UMAD1: variants seen among roughly 807,000 people sequenced by gnomAD.
The protein encoded by UMAD1 is UBAP1-MVB12-associated (UMA) domain containing 1.
Under a neutral mutation model 6.1 loss-of-function variants are expected in UMAD1, and 8 were observed. The ratio of observed to expected loss-of-function variants is 1.30; its 90% CI spans 0.76 to 2.35. The LOEUF is 2.35. UMAD1 is among the 30% of genes most tolerant of loss of function. UMAD1 has a pLI of 0.00. For synonymous variants in UMAD1, 56 were observed against 31.4 expected, an observed-to-expected ratio of 1.78 and a Z score of -2.61; for missense variants, 130 against 78.4, an observed-to-expected ratio of 1.66 and a Z score of -2.49.
chr7:7,804,959 C>A (rs940498453), intron 3 of UMAD1, among the ~76,000 whole-genome samples: 47 of 150,870 alleles, frequency 3.1e-4, no homozygotes, highest in African/African-American at 1.1e-3. Flanking sequence ...CCAGCCTGGG[C>A]GACAGAGCGG....
chr7:7,862,037 T>A (rs920672919), intron 3 of UMAD1, among the ~76,000 whole-genome samples: 6 of 152,170 alleles, frequency 3.9e-5, no homozygotes, highest in Non-Finnish European at 1.5e-5. Context: ...TATATCATAC[T>A]TAGGTTATGA....
chr7:7,778,275 T>TGAGAGAGAGAGAGAGA (rs1554327252), intron 2 of UMAD1, among the ~76,000 whole-genome samples: 4 of 110,654 alleles, frequency 3.6e-5, no homozygotes, highest in African/African-American at 1.1e-4. Context: ...TGTGTGTGTG[T>TGAGAGAGAGAGAGAGA]GAGAGAGAGA....
chr7:7,845,219 A>G (rs1300498160), intron 3 of UMAD1, among the ~76,000 whole-genome samples: 1 of 152,042 alleles, frequency 6.6e-6, no homozygotes, highest in Admixed American at 6.6e-5. Flanking sequence ...GACGTTTTAG[A>G]TATATTGGGT....
chr7:7,684,526 T>C (rs1352026927), intron 2 of UMAD1, among the ~76,000 whole-genome samples: 1 of 152,138 alleles, frequency 6.6e-6, no homozygotes, highest in Admixed American at 6.6e-5. Flanking sequence ...GCAATTTTTT[T>C]TTCTGAATAA....
At chr7:7,798,855 G>T (rs1782740687) in intron 2 of UMAD1, among the ~76,000 whole-genome samples, 1 of 152,228 alleles carries the variant, frequency 6.6e-6, no homozygotes, top group Non-Finnish European at 1.5e-5. Context: ...TAAATTGGGG[G>T]TGGGCAGAGT....
intron 2 of UMAD1, among the ~76,000 whole-genome samples, chr7:7,778,309 C>T (rs114067028): frequency 3.7e-5 from 5 of 136,304 alleles, no homozygotes; most frequent in Admixed American, 1.5e-4. Flanking sequence ...AGAGAGAGAG[C>T]GTAAATATGG....
intron 2 of UMAD1, among the ~76,000 whole-genome samples, chr7:7,692,964 A>T (rs1191464718): frequency 6.6e-6 from 1 of 152,098 alleles, no homozygotes; most frequent in African/African-American, 2.4e-5. Context: ...TGTATATTTT[A>T]TGTGTCTAAA....
At chr7:7,832,825 A>G (rs1783491118) in intron 3 of UMAD1, among the ~76,000 whole-genome samples, 1 of 151,640 alleles carries the variant, frequency 6.6e-6, no homozygotes, top group Admixed American at 6.6e-5. Flanking sequence ...TGCAGGTGGG[A>G]TTCAGTGGAG....
intron 3 of UMAD1, among the ~76,000 whole-genome samples, chr7:7,862,263 A>G (rs1266338202): frequency 6.6e-6 from 1 of 152,116 alleles, no homozygotes; most frequent in Non-Finnish European, 1.5e-5. Context: ...TTAAAATGGA[A>G]AGTGTTCCAT....
At chr7:7,816,727 T>C (rs552781695) in intron 3 of UMAD1, among the ~76,000 whole-genome samples, 4 of 152,316 alleles carry the variant, frequency 2.6e-5, no homozygotes, top group East Asian at 3.9e-4. Flanking sequence ...CTCAACCCAA[T>C]TGATCACCAA....
chr7:7,862,993 A>C (rs971442723), intron 3 of UMAD1, among the ~76,000 whole-genome samples: 4 of 149,810 alleles, frequency 2.7e-5, no homozygotes, highest in African/African-American at 1.0e-4. Context: ...TATAGTACAT[A>C]AAATTGAAAT....
At chr7:7,708,068 A>T (rs765120999) in intron 2 of UMAD1, among the ~76,000 whole-genome samples, 1 of 152,152 alleles carries the variant, frequency 6.6e-6, no homozygotes, top group African/African-American at 2.4e-5. Flanking sequence ...ACACTGTTGT[A>T]TTTCAGTCGT....
intron 2 of UMAD1, among the ~76,000 whole-genome samples, chr7:7,697,382 A>G (rs886695144): frequency 6.6e-6 from 1 of 152,218 alleles, no homozygotes; most frequent in Non-Finnish European, 1.5e-5. Flanking sequence ...TAAAACACCT[A>G]TGAAACAGAT....
intron 2 of UMAD1, among the ~76,000 whole-genome samples, chr7:7,762,722 A>G (rs564212241): frequency 6.6e-6 from 1 of 152,298 alleles, no homozygotes; most frequent in Admixed American, 6.5e-5. Context: ...TGATATAAAC[A>G]TCACTCGAAG....
intron 2 of UMAD1, among the ~76,000 whole-genome samples, chr7:7,786,932 T>A (rs1292594525): frequency 6.6e-6 from 1 of 152,244 alleles, no homozygotes; most frequent in Non-Finnish European, 1.5e-5. Context: ...CTTAGACAAC[T>A]TTGCGTAAAA....
At chr7:7,685,509 A>G (rs1780023704) in intron 2 of UMAD1, among the ~76,000 whole-genome samples, 1 of 152,032 alleles carries the variant, frequency 6.6e-6, no homozygotes, top group Non-Finnish European at 1.5e-5. Flanking sequence ...GAGTTTCACC[A>G]CTTTGGCCAG....
In UMAD1 at chr7:7,719,220, G is replaced by T. The variant is rs554742074; in HGVS notation, c.82+45767G>T. Among the ~76,000 whole-genome samples, 13 of 152,256 alleles carry T rather than the reference G, an allele frequency of 8.5e-5. 1 individual carries two copies. The highest frequency in any genetic ancestry group is 3.1e-4 in the African/African-American group (13 of 41,542). On this transcript the variant is annotated intron_variant, in intron 2 of 3. Transcript: ENST00000682710. ...ATATGATCAGCAAGCTTTAGGAGAG[G>T]ATAACAAATGTGTGATTTTGAAATC...
intron 2 of UMAD1, among the ~76,000 whole-genome samples, chr7:7,734,992 T>A (rs1781323424): frequency 6.6e-6 from 1 of 152,140 alleles, no homozygotes; most frequent in Non-Finnish European, 1.5e-5. Flanking sequence ...TAAAATTATA[T>A]TTAATAAATA....
At chr7:7,646,166 G>A (rs1352169665) in intron 1 of UMAD1, among the ~76,000 whole-genome samples, 1 of 152,138 alleles carries the variant, frequency 6.6e-6, no homozygotes, top group African/African-American at 2.4e-5. Flanking sequence ...GCCTTTTTGG[G>A]TTCCCACACC....
Sources: allele counts gnomAD v4.1 joint callset (sites outside exome capture counted in the v4.1 genomes callset), GRCh38; gene constraint gnomAD v4.1.1; transcripts MANE v1.5; gene names NCBI Gene and HGNC (gene_info 2026-07-23, HGNC 2026-07-21).